Variants in SCAF4 observed in about 807,000 individuals in gnomAD.
SCAF4 encodes the protein SR-related CTD associated factor 4, also known as SR-related and CTD-associated factor 4.
In SCAF4, 25 loss-of-function variants were observed where a neutral mutation model predicts 129.8. That is an observed-to-expected ratio of 0.19 (90% CI 0.14 to 0.27). The LOEUF (loss-of-function observed/expected upper bound fraction) is 0.27, where lower values mean the gene tolerates loss of function less well. Ranked by LOEUF, SCAF4 falls within the 10% of genes least tolerant of loss-of-function variation. SCAF4 has a pLI of 1.00. For synonymous variants in SCAF4, 551 were observed against 497.7 expected, an observed-to-expected ratio of 1.11 and a Z score of -1.43; for missense variants, 1,246 against 1,457.1, an observed-to-expected ratio of 0.86 and a Z score of 2.36.
Position 31,671,544 on chromosome 21 carries a change from A to G in SCAF4, c.3299T>C (p.Val1100Ala). Residue 1100 changes from valine to alanine, a missense_variant, in exon 20 of 20, where the codon GTG becomes GCG. Val to Ala is a moderately conservative substitution (Grantham distance 64). Transcript: ENST00000286835. ...NKTVEPPISQVGNVDTASELE... is the reference protein window; with the variant it reads ...NKTVEPPISQAGNVDTASELE... ...TTCTGAAGCAGTGTCTACATTTCCC[A>G]CTTGGCTAATGGGAGGTTCAACGGT... The G allele has an allele frequency of 1.9e-6, 3 of 1,614,042 alleles. No homozygotes were observed. Among genetic ancestry groups the G allele is most frequent in the Non-Finnish European group, 2.5e-6 (3 of 1,179,988 alleles).
chr21:31,706,288 T>C lies in SCAF4; in HGVS notation c.100A>G (p.Ile34Val). 6.3e-7 allele frequency: 1 copy of C among 1,594,368 alleles called. No individual in the cohort carries two copies. Among genetic ancestry groups the C allele is most frequent in the Non-Finnish European group, 8.6e-7 (1 of 1,164,670 alleles). Residue 34 changes from isoleucine to valine, a missense_variant, in exon 2 of 20, where the codon ATT becomes GTT. This residue lies in a region of SCAF4 where 56 missense variants were observed against 139.4 expected (regional missense o/e 0.40). Coordinates refer to ENST00000286835, the MANE Select transcript of SCAF4 (RefSeq NM_020706.2). ...AKMILITKAAIKAIKLYKHVV... is the reference protein window; with the variant it reads ...AKMILITKAAVKAIKLYKHVV... ...TTTATCATTACCTTAATAGCTTTAA[T>C]AGCAGCTTTAGTGATGAGAATCATC...
intron 17 of SCAF4, 41 bp downstream of exon 17, chr21:31,685,527 A>G: frequency 6.2e-7 from 1 of 1,613,896 alleles, no homozygotes; most frequent in Non-Finnish European, 8.5e-7. Context: ...GTATCACTCC[A>G]TCGCAGGCTC....
At chr21:31,726,049 CT>C (rs899443141) in intron 1 of SCAF4, among the ~76,000 whole-genome samples, 210 of 142,236 alleles carry the variant, frequency 1.5e-3, no homozygotes, top group Non-Finnish European at 1.6e-3. Flanking sequence ...TGGCCCTTAA[CT>C]TTTTTTTTTT....
At chr21:31,697,507 T>C (rs1253409987) in intron 7 of SCAF4, among the ~76,000 whole-genome samples, 1 of 152,172 alleles carries the variant, frequency 6.6e-6, no homozygotes, top group Non-Finnish European at 1.5e-5. Flanking sequence ...AAGGCTCAGG[T>C]GATTAAGAAA....
rs2050182507 is a variant in SCAF4, at chr21:31,688,449, G to A, written c.1901C>T (p.Pro634Leu). 3.7e-6 allele frequency: 6 copies of A among 1,613,624 alleles called. No individual in the cohort carries two copies. Among genetic ancestry groups the A allele is most frequent in the Non-Finnish European group, 5.1e-6 (6 of 1,179,820 alleles). The change falls in exon 16 of 20, where the codon CCT (proline) becomes CTT (leucine). Residue 634 changes from proline to leucine, a missense_variant. Physicochemically the swap from Pro to Leu is moderately conservative, Grantham distance 98. Coordinates refer to ENST00000286835, the MANE Select transcript of SCAF4 (RefSeq NM_020706.2). Reference protein sequence around the residue: ...DTLNPDWKGIPKKPENEVAQN... With the variant: ...DTLNPDWKGILKKPENEVAQN... ...AGCAACTTCATTTTCAGGCTTCTTA[G>A]GAATTCCTTTCCAATCTGTGAGCGT...
chr21:31,726,746 A>T (rs142164172), intron 1 of SCAF4, among the ~76,000 whole-genome samples: 20 of 152,348 alleles, frequency 1.3e-4, no homozygotes, highest in African/African-American at 4.8e-4. Context: ...GCACCAGGAG[A>T]CATGTTTGAA....
intron 1 of SCAF4, among the ~76,000 whole-genome samples, chr21:31,720,729 C>G (rs1214598701): frequency 3.3e-5 from 5 of 152,188 alleles, no homozygotes; most frequent in Non-Finnish European, 7.3e-5. Flanking sequence ...TAGCCAGCAC[C>G]TGGTTATTTA....
In SCAF4 at chr21:31,680,844, C is replaced by G. The variant is rs2049978795; in HGVS notation, c.2488+4205G>C. On this transcript the variant is annotated intron_variant, in intron 19 of 19. Coordinates refer to ENST00000286835, the MANE Select transcript of SCAF4 (RefSeq NM_020706.2). ...AAAGAAATCCAAACTTAAGTGAAAT[C>G]ATCAAAATCAAATTCCTATTGATAT... is the stretch of plus-strand genomic sequence containing the variant. Among the ~76,000 whole-genome samples, 2 of 152,200 alleles carry G rather than the reference C, an allele frequency of 1.3e-5. 1 individual carries two copies. The highest frequency in any genetic ancestry group is 4.1e-4 in the South Asian group (2 of 4,828).
In SCAF4 at chr21:31,671,690, T is replaced by C; in HGVS notation, c.3153A>G (p.Arg1051=). 1 of 1,613,914 alleles carries C rather than the reference T, an allele frequency of 6.2e-7. No individual in the cohort carries two copies. Among genetic ancestry groups the C allele is most frequent in the African/African-American group, 1.3e-5 (1 of 75,026 alleles). The stretch of plus-strand genomic sequence containing the variant: ...CTCTGTCTCGATGCCCACTAGAGCG[T>C]CTATTTCTCTCTTCCAAGTCTCTGT... ...DRHRDLEERN[R]RSSGHRDRER... is the part of the protein sequence containing the mutation. Residue 1051 remains arginine, a synonymous_variant, in exon 20 of 20, where the codon AGA becomes AGG. Coordinates refer to ENST00000286835, the MANE Select transcript of SCAF4 (RefSeq NM_020706.2).
At chr21:31,676,022 C>A (rs1380103483) in intron 19 of SCAF4, among the ~76,000 whole-genome samples, 1 of 152,116 alleles carries the variant, frequency 6.6e-6, no homozygotes, top group Non-Finnish European at 1.5e-5. Context: ...ACAGAGTGTA[C>A]GCAGTCAGGG....
intron 1 of SCAF4, among the ~76,000 whole-genome samples, chr21:31,710,382 CTACTAAAAA>C (rs1430932034): frequency 6.6e-6 from 1 of 152,062 alleles, no homozygotes; most frequent in African/African-American, 2.4e-5. Flanking sequence ...AACCCTGTCT[CTACTAAAAA>C]TACAAAAATT....
chr21:31,671,357 C>A lies in SCAF4; in HGVS notation c.*42G>T. On this transcript the variant is annotated 3_prime_UTR_variant, in exon 20 of 20. Coordinates refer to ENST00000286835, the MANE Select transcript of SCAF4 (RefSeq NM_020706.2). The stretch of plus-strand genomic sequence containing the variant: ...GCATCTGTACACCTCAAGCTCTACA[C>A]TCCAGGAAGTGTCACTGTCACATTT... The A allele has an allele frequency of 6.3e-7, 1 of 1,589,496 alleles. No individual in the cohort carries two copies.
At chr21:31,704,996 G>A (rs2050622718) in intron 3 of SCAF4, among the ~76,000 whole-genome samples, 1 of 152,176 alleles carries the variant, frequency 6.6e-6, no homozygotes, top group Non-Finnish European at 1.5e-5. Context: ...AGACAGATGT[G>A]TGCCAATCAC....
At chr21:31,691,994 C>T in intron 13 of SCAF4, 64 bp from the exon 14 acceptor site, 1 of 816,854 alleles carries the variant, frequency 1.2e-6, no homozygotes, top group Non-Finnish European at 2.0e-6. Context: ...GATACAACAC[C>T]AAGTAAGCAG....
intron 1 of SCAF4, among the ~76,000 whole-genome samples, chr21:31,728,522 G>C (rs1462609398): frequency 6.6e-6 from 1 of 152,046 alleles, no homozygotes; most frequent in Non-Finnish European, 1.5e-5. Flanking sequence ...TCAAATCCTA[G>C]TTCTGCCATT....
chr21:31,691,211 T>G (rs1046057678), intron 14 of SCAF4, among the ~76,000 whole-genome samples: 3 of 152,096 alleles, frequency 2.0e-5, no homozygotes, highest in Admixed American at 6.5e-5. Context: ...ACATAAAACT[T>G]AGAGAAAAGG....
chr21:31,689,105 A>G (rs940906019), intron 15 of SCAF4, among the ~76,000 whole-genome samples: 5 of 151,948 alleles, frequency 3.3e-5, no homozygotes, highest in African/African-American at 1.2e-4. Flanking sequence ...TCTTCTTTTT[A>G]CCACTGTCTA....
At chr21:31,682,045 C>T (rs189922502) in intron 19 of SCAF4, among the ~76,000 whole-genome samples, 6 of 152,186 alleles carry the variant, frequency 3.9e-5, no homozygotes, top group Admixed American at 6.5e-5. Context: ...TCTCATTAAG[C>T]CAACTGATGG....
chr21:31,701,965 A>G lies in SCAF4; in HGVS notation c.458-47T>C, dbSNP rs778166812. On this transcript the variant is annotated intron_variant, in intron 5 of 19. Coordinates refer to ENST00000286835, the MANE Select transcript of SCAF4 (RefSeq NM_020706.2). ...AGGCCTAAAAAAAAAGTTAACCTAC[A>G]AGTTTTCCTAATTAAGCTTCTTTGC... 25 of 1,591,248 alleles carry G rather than the reference A, an allele frequency of 1.6e-5. No homozygotes were observed. The East Asian group carries it at 5.6e-4, about 36-fold the overall frequency.
Sources: allele counts gnomAD v4.1 joint callset (sites outside exome capture counted in the v4.1 genomes callset), GRCh38; gene constraint gnomAD v4.1.1; regional missense constraint gnomAD v4.1.1; transcripts MANE v1.5; gene names NCBI Gene and HGNC (gene_info 2026-07-23, HGNC 2026-07-21).